Variants in PDCD6IP observed in about 807,000 individuals in gnomAD.
PDCD6IP encodes the protein programmed cell death 6 interacting protein, also known as programmed cell death 6-interacting protein.
PDCD6IP carries 43 observed loss-of-function variants against 103.7 expected under a neutral mutation model. That is an observed-to-expected ratio of 0.41 (90% confidence interval 0.32 to 0.53). The LOEUF (loss-of-function observed/expected upper bound fraction) is 0.53. Ranked by LOEUF, PDCD6IP falls within the 20% of genes least tolerant of loss-of-function variation. The pLI, the probability that PDCD6IP is intolerant of heterozygous loss-of-function variation, is 0.16. For missense variants in PDCD6IP, 871 were observed against 1,036.7 expected (o/e 0.84, Z 2.20); for synonymous variants, 354 against 378.7 (o/e 0.93, Z 0.76).
At chr3:33,806,502 A>G (rs1272831776) in intron 1 of PDCD6IP, among the ~76,000 whole-genome samples, 1 of 152,218 alleles carries the variant, frequency 6.6e-6, no homozygotes, top group Admixed American at 6.5e-5. Flanking sequence ...AAATTCGCTT[A>G]TTTCTAAAAT....
intron 6 of PDCD6IP, 104 bp downstream of exon 6, chr3:33,826,684 T>TA: frequency 6.6e-7 from 1 of 1,509,748 alleles, no homozygotes; most frequent in Non-Finnish European, 8.9e-7. Context: ...ATTTGAAGTT[T>TA]TAATAGAGTT....
At chr3:33,837,329 GAGAAT>G (rs969440597) in intron 8 of PDCD6IP, among the ~76,000 whole-genome samples, 3 of 152,192 alleles carry the variant, frequency 2.0e-5, no homozygotes, top group Admixed American at 6.5e-5. Context: ...AGATTCCAAG[GAGAAT>G]ATTCTGTTAC....
At chr3:33,802,093 G>A (rs78143315) in intron 1 of PDCD6IP, among the ~76,000 whole-genome samples, 6,104 of 152,286 alleles carry the variant, frequency 0.04, 187 homozygotes, top group Middle Eastern at 0.071. Flanking sequence ...GGCTGGTGTA[G>A]TGTTTCTGTG....
At chr3:33,812,042 G>C (rs1696730706) in intron 1 of PDCD6IP, 30 bp from the exon 2 acceptor site, 1 of 1,568,146 alleles carries the variant, frequency 6.4e-7, no homozygotes, top group Non-Finnish European at 8.6e-7. Flanking sequence ...ATTTAGCTCT[G>C]GTAATTATTA....
chr3:33,838,424 A>G (rs1391747264), intron 9 of PDCD6IP, 97 bp downstream of exon 9: 7 of 1,150,062 alleles, frequency 6.1e-6, no homozygotes, highest in Non-Finnish European at 8.8e-6. Context: ...AAATGTCAAG[A>G]GTATATAAAA....
chr3:33,830,965 A>G (rs1022183895), intron 7 of PDCD6IP, among the ~76,000 whole-genome samples: 20 of 152,160 alleles, frequency 1.3e-4, no homozygotes, highest in African/African-American at 4.6e-4. Flanking sequence ...GCAAAGAGAA[A>G]TAACTTATTG....
intron 4 of PDCD6IP, among the ~76,000 whole-genome samples, chr3:33,824,881 C>T (rs1317409507): frequency 6.6e-6 from 1 of 152,188 alleles, no homozygotes; most frequent in Non-Finnish European, 1.5e-5. Context: ...ATCCCCGCCT[C>T]TATTCTCATG....
chr3:33,853,159 G>T (rs1219801276), intron 13 of PDCD6IP, among the ~76,000 whole-genome samples: 2 of 152,184 alleles, frequency 1.3e-5, no homozygotes, highest in South Asian at 4.1e-4. Flanking sequence ...TCCTGACCTC[G>T]TGATCCTCCT....
intron 12 of PDCD6IP, among the ~76,000 whole-genome samples, chr3:33,847,239 A>G (rs1476654356): frequency 6.6e-6 from 1 of 152,194 alleles, no homozygotes; most frequent in Non-Finnish European, 1.5e-5. Flanking sequence ...TTCTGCTTTC[A>G]GTAGAAAAGC....
At chr3:33,799,034 G>A in intron 1 of PDCD6IP, 97 bp downstream of exon 1, 2 of 1,193,796 alleles carry the variant, frequency 1.7e-6, no homozygotes, top group African/African-American at 1.5e-5. Flanking sequence ...TAACCTGGGC[G>A]GAGCCGCCCC....
At chr3:33,815,224 A>G (rs914883820) in intron 3 of PDCD6IP, among the ~76,000 whole-genome samples, 12 of 151,452 alleles carry the variant, frequency 7.9e-5, no homozygotes, top group Non-Finnish European at 1.3e-4. Flanking sequence ...GCTTGTAACC[A>G]TAGGTTGAAT....
chr3:33,852,437 C>CTT (rs59048229), intron 12 of PDCD6IP, 51 bp from the exon 13 acceptor site: 83,397 of 1,028,396 alleles, frequency 0.081, 2,926 homozygotes, highest in African/African-American at 0.24. Context: ...TCGAAATTGG[C>CTT]TTTTTTTTTT....
chr3:33,811,453 C>T (rs950893256), intron 1 of PDCD6IP, among the ~76,000 whole-genome samples: 1 of 152,146 alleles, frequency 6.6e-6, no homozygotes, highest in Admixed American at 6.5e-5. Flanking sequence ...TTGGCCTGAC[C>T]CTTTTCTCCT....
intron 7 of PDCD6IP, among the ~76,000 whole-genome samples, chr3:33,834,262 T>G (rs1485051357): frequency 2.0e-5 from 3 of 152,078 alleles, no homozygotes; most frequent in African/African-American, 7.2e-5. Context: ...CCTGGCAAGG[T>G]TTTCTCATCC....
At chr3:33,822,179 C>A in intron 4 of PDCD6IP, 97 bp downstream of exon 4, 1 of 1,251,244 alleles carries the variant, frequency 8.0e-7, no homozygotes, top group Non-Finnish European at 1.1e-6. Flanking sequence ...TCTTACGCAA[C>A]AGATGTTTTC....
chr3:33,803,108 T>C (rs1696512750), intron 1 of PDCD6IP, among the ~76,000 whole-genome samples: 1 of 152,248 alleles, frequency 6.6e-6, no homozygotes, highest in South Asian at 2.1e-4. Context: ...TCCATGTTCA[T>C]GTACATCTTT....
intron 7 of PDCD6IP, among the ~76,000 whole-genome samples, chr3:33,835,554 C>T (rs1189480265): frequency 6.6e-6 from 1 of 152,026 alleles, no homozygotes; most frequent in Non-Finnish European, 1.5e-5. Flanking sequence ...CGATGTCTAC[C>T]AAAACATACA....
Position 33,798,641 on chromosome 3 carries a change from C to G in PDCD6IP, c.-88C>G, listed in dbSNP as rs1054424067. 3.2e-6 allele frequency: 4 copies of G among 1,250,614 alleles called. No individual in the cohort carries two copies. The highest frequency in any genetic ancestry group is 4.3e-6 in the Non-Finnish European group (4 of 925,408). The allele number at this position is 1,250,614 out of a possible 1,614,324, so 77.5% of individuals were successfully genotyped here. On this transcript the variant is annotated 5_prime_UTR_variant, in exon 1 of 18. Transcript: ENST00000307296. ...CAAGTCTGTCAGCCAGTCAGTCCGC[C>G]AGTCCGCCAGCCCAGTACCTCTCTC...
Position 33,854,400 on chromosome 3 carries a change from C to T in PDCD6IP, c.2025+387C>T, listed in dbSNP as rs1046784251. The stretch of plus-strand genomic sequence containing the variant: ...AGGGGCATGACTTTTATGTTCTCTG[C>T]GGTGGTTTGCTGAGGACAGACTTGT... On this transcript the variant is annotated intron_variant, in intron 14 of 17. Transcript: ENST00000307296. 3.3e-5 allele frequency among the ~76,000 whole-genome samples: 5 copies of T among 152,134 alleles called. No homozygotes were observed. The East Asian group carries it at 5.8e-4, about 18-fold the overall frequency.
Sources: allele counts gnomAD v4.1 joint callset (sites outside exome capture counted in the v4.1 genomes callset), GRCh38; gene constraint gnomAD v4.1.1; transcripts MANE v1.5; gene names NCBI Gene and HGNC (gene_info 2026-07-23, HGNC 2026-07-21).